Variants in SERPING1 observed in about 807,000 individuals in gnomAD.
SERPING1 encodes the protein plasma protease C1 inhibitor.
Under a neutral mutation model 34.1 loss-of-function variants are expected in SERPING1, and 5 were observed. The observed-to-expected ratio is 0.15, with a 90% CI of 0.08 to 0.31. The LOEUF is 0.31. Ranked by LOEUF, SERPING1 falls within the 10% of genes least tolerant of loss-of-function variation. The pLI, the probability that SERPING1 is intolerant of heterozygous loss-of-function variation, is 1.00. For synonymous variants in SERPING1, 225 were observed against 242.4 expected, an observed-to-expected ratio of 0.93 and a Z score of 0.67; for missense variants, 505 against 609.5, an observed-to-expected ratio of 0.83 and a Z score of 1.81.
intron 6 of SERPING1, 163 bp downstream of exon 6, chr11:57,606,710 G>T (rs1431065836): frequency 1.2e-6 from 1 of 837,102 alleles, no homozygotes; most frequent in Admixed American, 1.8e-5. Flanking sequence ...CCTTTCTCTA[G>T]CCTTGGCCAA....
At position 57,612,180 on chromosome 11, in the gene SERPING1, C is replaced by T. The variant is rs1460135237; in HGVS notation, c.1249+244C>T. Among the ~76,000 whole-genome samples, 7 of 152,114 alleles carry T rather than the reference C, an allele frequency of 4.6e-5. No homozygotes were observed. In the East Asian group the frequency reaches 1.4e-3, roughly 29 times the overall value. On this transcript the variant is annotated intron_variant, in intron 7 of 7. Transcript: ENST00000278407. ...TACCCTTGAGCTAGTCAGAGGCAAA[C>T]CAGAACACCGACCCAGGTCTCCAGC...
intron 3 of SERPING1, among the ~76,000 whole-genome samples, chr11:57,601,463 T>G (rs2135310258): frequency 6.6e-6 from 1 of 151,230 alleles, no homozygotes; most frequent in Non-Finnish European, 1.5e-5. Context: ...ATGTAAATCC[T>G]CTGCCATCTT....
rs766491693 is a variant in SERPING1 at position 57,606,519 on chromosome 11, A to G, written c.1001A>G (p.His334Arg). 1 of 1,614,136 alleles carries G rather than the reference A, an allele frequency of 6.2e-7. No homozygotes were observed. The highest frequency in any genetic ancestry group is 1.7e-5 in the Admixed American group (1 of 60,010). Residue 334 changes from histidine (H) to arginine (R), a missense_variant, in exon 6 of 8, where the codon CAT becomes CGT. Physicochemically the swap from His to Arg is conservative, Grantham distance 29 (BLOSUM62 0). Transcript: ENST00000278407. Reference sequence around the variant, plus strand: ...AATAGCAAGAAGTACCCTGTGGCCCATTTCATTGACCAAACTTTGAAAGCC... The same window carrying G: ...AATAGCAAGAAGTACCCTGTGGCCCGTTTCATTGACCAAACTTTGAAAGCC... ...MMNSKKYPVA[H>R]FIDQTLKAKV...
intron 4 of SERPING1, 131 bp from the exon 5 acceptor site, chr11:57,605,879 C>A: frequency 1.1e-6 from 1 of 890,612 alleles, no homozygotes; most frequent in Non-Finnish European, 1.9e-6. Flanking sequence ...GTGGGCTGGA[C>A]CGCGCTCCAC....
chr11:57,611,390 A>G (rs1405018715), intron 6 of SERPING1: 3 of 420,098 alleles, frequency 7.1e-6, no homozygotes, highest in Non-Finnish European at 1.3e-5. Flanking sequence ...GCTATATACT[A>G]TATGCACAAC....
At chr11:57,607,728 C>G (rs1476781371) in intron 6 of SERPING1, among the ~76,000 whole-genome samples, 1 of 152,188 alleles carries the variant, frequency 6.6e-6, no homozygotes. Flanking sequence ...GACATGATCT[C>G]AGCTCACTGC....
At chr11:57,611,657 G>C (rs2135324350) in intron 6 of SERPING1, 60 bp from the exon 7 acceptor site, 1 of 1,464,928 alleles carries the variant, frequency 6.8e-7, no homozygotes, top group East Asian at 2.3e-5. Flanking sequence ...TGTGACAGAG[G>C]GTGGGGCCAG....
At chr11:57,601,741 T>C (rs903978196) in intron 3 of SERPING1, among the ~76,000 whole-genome samples, 3 of 151,840 alleles carry the variant, frequency 2.0e-5, no homozygotes, top group Admixed American at 1.3e-4. Flanking sequence ...TGCATGCTTA[T>C]TGTCCCAGCT....
intron 6 of SERPING1, among the ~76,000 whole-genome samples, chr11:57,609,581 GA>G (rs936392767): frequency 2.5e-4 from 36 of 142,934 alleles, no homozygotes; most frequent in East Asian, 2.2e-3. Flanking sequence ...CCTTGTCTCA[GA>G]AAAAAAAAAA....
At chr11:57,605,119 T>C (rs1945393883) in intron 4 of SERPING1, among the ~76,000 whole-genome samples, 1 of 152,146 alleles carries the variant, frequency 6.6e-6, no homozygotes, top group African/African-American at 2.4e-5. Context: ...AAATGTTGCA[T>C]TTATTTATTA....
At position 57,602,257 on chromosome 11, in the gene SERPING1, G is replaced by A. The variant is rs11229063; in HGVS notation, c.685+88G>A. ...CCCAGCGCTGGGGAAAGAAAGGACA[G>A]AGGGAATGTTGGAGCTACAGTATCA... On this transcript the variant is annotated intron_variant, in intron 4 of 7. Transcript: ENST00000278407. 364,643 of 1,495,888 alleles carry A rather than the reference G, an allele frequency of 0.24. 47,155 individuals are homozygous for A. The highest frequency in any genetic ancestry group is 0.27 in the Middle Eastern group (1,466 of 5,478). 92.7% of individuals were successfully genotyped at this position (1,495,888 alleles called of 1,614,324 possible). A position where few individuals can be genotyped will look rare whatever the true frequency, so the allele number is the denominator to read the frequency against.
At chr11:57,602,229 G>C in intron 4 of SERPING1, 60 bp downstream of exon 4, 2 of 1,595,394 alleles carry the variant, frequency 1.3e-6, no homozygotes, top group Non-Finnish European at 1.7e-6. Flanking sequence ...CTCTGAAGGG[G>C]GACCCAGCGC....
chr11:57,612,947 A>T lies in SERPING1; in HGVS notation c.1249+1011A>T, dbSNP rs562495415. Among the ~76,000 whole-genome samples the T allele has an allele frequency of 4.0e-5, 6 of 150,750 alleles. 1 individual carries two copies. The highest frequency in any genetic ancestry group is 1.5e-4 in the African/African-American group (6 of 40,938). On this transcript the variant is annotated intron_variant, in intron 7 of 7. Transcript: ENST00000278407. The stretch of plus-strand genomic sequence containing the variant: ...TTTTTAGTAGAGATGGGGTTTCACC[A>T]TGTTGGTGAAGCTGGTCTTGAACTC...
intron 6 of SERPING1, among the ~76,000 whole-genome samples, chr11:57,609,123 A>G (rs1945446642): frequency 6.6e-6 from 1 of 151,840 alleles, no homozygotes; most frequent in Non-Finnish European, 1.5e-5. Context: ...TACTAAAAAT[A>G]CAAAAATTAG....
In SERPING1 at chr11:57,606,142, A is replaced by G; in HGVS notation, c.818A>G (p.Lys273Arg). 1 of 1,614,106 alleles carries G rather than the reference A, an allele frequency of 6.2e-7. No individual in the cohort carries two copies. The highest frequency in any genetic ancestry group is 8.5e-7 in the Non-Finnish European group (1 of 1,180,008). Residue 273 changes from lysine (K) to arginine (R), a missense_variant, in exon 5 of 8, where the codon AAG becomes AGG. Lys to Arg is a conservative substitution (Grantham distance 26). Transcript: ENST00000278407. Reference sequence around the variant, plus strand: ...TGGGTGGCCAAGAACACCAACAACAAGATCAGCCGGCTGCTAGACAGTCTG... The same window carrying G: ...TGGGTGGCCAAGAACACCAACAACAGGATCAGCCGGCTGCTAGACAGTCTG... ...NTWVAKNTNN[K>R]ISRLLDSLPS... is the part of the protein sequence containing the mutation.
At chr11:57,609,478 G>A (rs1454409161) in intron 6 of SERPING1, among the ~76,000 whole-genome samples, 1 of 151,986 alleles carries the variant, frequency 6.6e-6, no homozygotes, top group Non-Finnish European at 1.5e-5. Flanking sequence ...TACTTGTGAG[G>A]CTGGGACAGA....
chr11:57,614,822 C>T lies in SERPING1; in HGVS notation c.*241C>T, dbSNP rs967804221. On this transcript the variant is annotated 3_prime_UTR_variant, in exon 8 of 8. Coordinates refer to ENST00000278407, the MANE Select transcript of SERPING1 (RefSeq NM_000062.3). The stretch of plus-strand genomic sequence containing the variant: ...TTCTCTAGTTCAAGTTCACCAGACT[C>T]TATAAATAAAACCTGACAGACCATG... 3.8e-6 allele frequency: 2 copies of T among 527,870 alleles called. No individual in the cohort carries two copies. Among genetic ancestry groups the T allele is most frequent in the Admixed American group, 6.7e-5 (2 of 29,878 alleles). 32.7% of individuals were successfully genotyped at this position (527,870 alleles called of 1,614,324 possible).
At chr11:57,600,513 A>G (rs1232786187) in intron 3 of SERPING1, 136 bp downstream of exon 3, 1 of 908,550 alleles carries the variant, frequency 1.1e-6, no homozygotes, top group East Asian at 2.6e-5. Flanking sequence ...GGTGGGGTAG[A>G]GGGATGTATC....
chr11:57,611,498 A>T, intron 6 of SERPING1: 1 of 597,092 alleles, frequency 1.7e-6, no homozygotes, highest in Non-Finnish European at 3.0e-6. Flanking sequence ...TCAGAAACTC[A>T]TGCTCCTTCC....
Sources: gnomAD v4.1 joint callset for allele counts (sites outside exome capture counted in the v4.1 genomes callset) on GRCh38, gnomAD v4.1.1 for gene constraint, MANE v1.5 for transcripts, NCBI Gene and HGNC (gene_info 2026-07-23, HGNC 2026-07-21) for gene names.